Variants in ANK2 observed in about 807,000 individuals in gnomAD.
ANK2 encodes the protein ankyrin 2, also known as ankyrin-2.
ANK2 carries 83 observed loss-of-function variants against 360.5 expected under a neutral mutation model. The ratio of observed to expected loss-of-function variants is 0.23; its 90% confidence interval spans 0.19 to 0.28. The LOEUF is 0.28. Among genes scored for constraint, ANK2 ranks in the 10% least tolerant of loss-of-function variants. The pLI, the probability that ANK2 is intolerant of heterozygous loss-of-function variation, is 1.00. For synonymous variants in ANK2, 1,740 were observed against 1,759.5 expected, an observed-to-expected ratio of 0.99 and a Z score of 0.28; for missense variants, 4,201 against 4,795.7, an observed-to-expected ratio of 0.88 and a Z score of 3.66.
chr4:112,808,931 C>T, the ANK2 span, among the ~76,000 whole-genome samples: 10 of 151,966 alleles, frequency 6.6e-5, no homozygotes, highest in South Asian at 2.1e-4. Context: ...GATCTCGGCT[C>T]GCTGCAACCT....
chr4:112,980,791 G>T (rs1682641468), intron 2 of ANK2, among the ~76,000 whole-genome samples: 1 of 151,960 alleles, frequency 6.6e-6, no homozygotes, highest in South Asian at 2.1e-4. Flanking sequence ...AATTGAGAGA[G>T]ATCATTTCAG....
At chr4:112,751,965 G>A in the ANK2 span, among the ~76,000 whole-genome samples, 1 of 152,182 alleles carries the variant, frequency 6.6e-6, no homozygotes, top group African/African-American at 2.4e-5. Context: ...ACAAAGAATA[G>A]GGAGAAAATA....
intron 2 of ANK2, among the ~76,000 whole-genome samples, chr4:112,909,184 G>A (rs1335706965): frequency 3.3e-5 from 5 of 152,218 alleles, no homozygotes; most frequent in Admixed American, 2.6e-4. Flanking sequence ...CTTCAGTGGT[G>A]TTAATTTCCC....
At chr4:113,278,667 G>C (rs1488985402) in intron 17 of ANK2, 109 bp downstream of exon 17, 3 of 1,079,932 alleles carry the variant, frequency 2.8e-6, no homozygotes, top group African/African-American at 3.1e-5. Context: ...ACTAGTCCTA[G>C]CGATAGTAGC....
Position 113,232,270 on chromosome 4 carries a change from C to G in ANK2, c.483+11C>G. 6.5e-7 allele frequency: 1 copy of G among 1,540,944 alleles called. No homozygotes were observed. The highest frequency in any genetic ancestry group is 9.0e-7 in the Non-Finnish European group (1 of 1,113,982). ...AGCACTGCTACAGAGGTAAGACTGT[C>G]AGCCCTAAAGCCTTGAATTCTTTGA... On this transcript the variant is annotated intron_variant, in intron 5 of 45. Transcript: ENST00000357077.
intron 1 of ANK2, among the ~76,000 whole-genome samples, chr4:113,132,750 T>A (rs1027791696): frequency 6.6e-6 from 1 of 152,052 alleles, no homozygotes; most frequent in East Asian, 1.9e-4. Flanking sequence ...TAGTCAACAT[T>A]GGGGTTCTCA....
intron 26 of ANK2, among the ~76,000 whole-genome samples, chr4:113,325,089 TCAA>T (rs1348105699): frequency 1.3e-5 from 2 of 152,190 alleles, no homozygotes; most frequent in Non-Finnish European, 1.5e-5. Context: ...TTAGAAAACT[TCAA>T]CAAGAGTTTC....
chr4:112,882,043 TG>T, intron 1 of ANK2: 1 of 432,034 alleles, frequency 2.3e-6, no homozygotes, highest in South Asian at 2.9e-5. Context: ...CCTTCTCCAC[TG>T]CTCAGAAGGG....
chr4:112,712,561 CCA>C, the ANK2 span, among the ~76,000 whole-genome samples: 2 of 151,698 alleles, frequency 1.3e-5, no homozygotes, highest in East Asian at 3.9e-4. Flanking sequence ...GCGCCTGCCA[CCA>C]TGCCCAGCTA....
At chr4:113,174,278 A>C (rs190953110) in intron 1 of ANK2, 138 bp from the exon 2 acceptor site, 1 of 662,432 alleles carries the variant, frequency 1.5e-6, no homozygotes, top group African/African-American at 1.8e-5. Context: ...ATGATTATTC[A>C]ATGTTTTAAA....
intron 2 of ANK2, among the ~76,000 whole-genome samples, chr4:112,953,217 A>G (rs888604782): frequency 2.0e-5 from 3 of 152,234 alleles, no homozygotes; most frequent in Non-Finnish European, 2.9e-5. Flanking sequence ...CTCATTATTA[A>G]TCTGGATTTC....
At chr4:112,769,148 T>C in the ANK2 span, among the ~76,000 whole-genome samples, 1 of 152,216 alleles carries the variant, frequency 6.6e-6, no homozygotes, top group South Asian at 2.1e-4. Flanking sequence ...CTTCTTCATA[T>C]GTCTCGTACA....
the ANK2 span, among the ~76,000 whole-genome samples, chr4:112,727,088 T>C: frequency 6.6e-6 from 1 of 152,074 alleles, no homozygotes; most frequent in African/African-American, 2.4e-5. Flanking sequence ...ATGGTTAAAA[T>C]ACTATGTTCT....
chr4:113,216,240 T>G (rs951604995), intron 4 of ANK2, among the ~76,000 whole-genome samples: 3 of 152,234 alleles, frequency 2.0e-5, no homozygotes, highest in African/African-American at 7.2e-5. Context: ...TACCTCCTGA[T>G]TTTATAGTCA....
At chr4:113,156,109 A>G (rs993741823) in intron 1 of ANK2, among the ~76,000 whole-genome samples, 2 of 152,244 alleles carry the variant, frequency 1.3e-5, no homozygotes, top group African/African-American at 2.4e-5. Context: ...AGATGTACAT[A>G]CAAGAGTTTT....
chr4:112,778,038 C>T, the ANK2 span, among the ~76,000 whole-genome samples: 3 of 151,740 alleles, frequency 2.0e-5, no homozygotes, highest in African/African-American at 4.8e-5. Flanking sequence ...GGCGCGATCT[C>T]GGCTCACTGC....
intron 1 of ANK2, among the ~76,000 whole-genome samples, chr4:113,125,173 A>G (rs920322168): frequency 1.3e-5 from 2 of 152,104 alleles, no homozygotes; most frequent in Non-Finnish European, 2.9e-5. Flanking sequence ...AAGACTGAAA[A>G]TGACCTCTCT....
chr4:113,010,815 T>C (rs935325304), intron 2 of ANK2, among the ~76,000 whole-genome samples: 1 of 152,174 alleles, frequency 6.6e-6, no homozygotes. Flanking sequence ...GTTCTTCATA[T>C]AAAACTCTTG....
chr4:113,377,661 A>C (rs1022777719), intron 45 of ANK2, among the ~76,000 whole-genome samples: 2 of 152,218 alleles, frequency 1.3e-5, no homozygotes, highest in African/African-American at 4.8e-5. Flanking sequence ...TATTAAAAGC[A>C]AACCTCTTAA....
Sources: allele counts gnomAD v4.1 joint callset (sites outside exome capture counted in the v4.1 genomes callset), GRCh38; gene constraint gnomAD v4.1.1; transcripts MANE v1.5; gene names NCBI Gene and HGNC (gene_info 2026-07-23, HGNC 2026-07-21).